HMCN2: variants seen among roughly 807,000 people sequenced by gnomAD.
HMCN2 encodes the protein hemicentin-2.
In HMCN2, 325 loss-of-function variants were observed where a neutral mutation model predicts 377.5. The observed-to-expected ratio is 0.86, with a 90% confidence interval of 0.79 to 0.94. HMCN2 has a LOEUF of 0.94. HMCN2 is among the 40% of genes least tolerant of loss of function. HMCN2 has a pLI of 0.00. For synonymous variants in HMCN2, 2,007 were observed against 2,046.8 expected, an observed-to-expected ratio of 0.98 and a Z score of 0.53; for missense variants, 4,543 against 4,725.3, an observed-to-expected ratio of 0.96 and a Z score of 1.13.
intron 54 of HMCN2, among the ~76,000 whole-genome samples, chr9:130,381,635 C>T (rs751616051): frequency 6.6e-5 from 10 of 152,202 alleles, no homozygotes; most frequent in Non-Finnish European, 1.5e-4. Flanking sequence ...TCCCAAAGTG[C>T]TGGGATTGTA....
chr9:130,432,376 C>T, intron 96 of HMCN2, 53 bp from the exon 97 acceptor site: 1 of 1,544,930 alleles, frequency 6.5e-7, no homozygotes, highest in East Asian at 2.4e-5. Context: ...CCCCCTTCTC[C>T]TTTGCTCCAT....
intron 52 of HMCN2, among the ~76,000 whole-genome samples, chr9:130,377,263 G>T (rs147436980): frequency 6.6e-6 from 1 of 151,994 alleles, no homozygotes; most frequent in African/African-American, 2.4e-5. Flanking sequence ...ATAGGCGCCC[G>T]CCACCACGCC....
intron 1 of HMCN2, among the ~76,000 whole-genome samples, chr9:130,268,880 A>G (rs1411668009): frequency 6.7e-6 from 1 of 148,638 alleles, no homozygotes; most frequent in Non-Finnish European, 1.5e-5. Flanking sequence ...GCCTTGGCGG[A>G]CTTGGATTTC....
intron 56 of HMCN2, 72 bp from the exon 57 acceptor site, chr9:130,383,432 C>A: frequency 3.0e-6 from 2 of 665,616 alleles, no homozygotes; most frequent in Non-Finnish European, 3.7e-6. Context: ...GGATTCCTCG[C>A]AGTCATTCCT....
Position 130,431,375 on chromosome 9 carries a change from G to T in HMCN2, c.14656G>T (p.Glu4886Ter). ...RQNGVCTDLD[E>*]CRVRNLCQHA... ...CCCCATGCCCGGGCCAGACCTTGACGAGTGCCGCGTGAGGAACCTGTGTCA... is the reference window on the plus strand; with the variant it reads ...CCCCATGCCCGGGCCAGACCTTGACTAGTGCCGCGTGAGGAACCTGTGTCA... The change falls in exon 96 of 98, where the codon GAG becomes TAG. Residue 4886 changes from glutamate (E) to a stop codon, truncating the protein, a stop_gained. Transcript: ENST00000683500. LOFTEE classifies it high-confidence loss of function. 1 of 1,549,676 alleles carries T rather than the reference G, an allele frequency of 6.5e-7. No individual in the cohort carries two copies. The highest frequency in any genetic ancestry group is 8.7e-7 in the Non-Finnish European group (1 of 1,146,682).
chr9:130,362,271 G>A (rs1243127915), intron 39 of HMCN2, 106 bp downstream of exon 39: 9 of 771,880 alleles, frequency 1.2e-5, no homozygotes, highest in African/African-American at 1.9e-5. Context: ...AGCAGCGATA[G>A]CCCAGGGCCG....
intron 90 of HMCN2, among the ~76,000 whole-genome samples, chr9:130,426,672 C>T (rs1466224031): frequency 6.6e-6 from 1 of 152,202 alleles, no homozygotes; most frequent in Non-Finnish European, 1.5e-5. Context: ...AACCCATGGC[C>T]CACAGGCCGC....
At chr9:130,275,296 C>T (rs1248764935) in intron 1 of HMCN2, among the ~76,000 whole-genome samples, 14 of 152,186 alleles carry the variant, frequency 9.2e-5, no homozygotes, top group South Asian at 2.1e-4. Context: ...TGGCTTTCGC[C>T]GGTCAGAGGT....
chr9:130,295,555 C>T (rs782412285), intron 5 of HMCN2, 111 bp from the exon 6 acceptor site: 9 of 350,308 alleles, frequency 2.6e-5, no homozygotes, highest in African/African-American at 4.3e-5. Flanking sequence ...TTGTCACTTC[C>T]GGGAAGACTG....
intron 36 of HMCN2, 110 bp downstream of exon 36, chr9:130,358,596 T>C (rs977630590): frequency 1.0e-6 from 1 of 993,716 alleles, no homozygotes; most frequent in South Asian, 1.4e-5. Context: ...TTTTCAGTCA[T>C]AGTTGTGCAC....
chr9:130,317,140 AG>A (rs1300303781), intron 15 of HMCN2, among the ~76,000 whole-genome samples: 178 of 151,380 alleles, frequency 1.2e-3, no homozygotes, highest in African/African-American at 4.2e-3. Flanking sequence ...AGGGGGAAGC[AG>A]GGGTGGGGTG....
chr9:130,431,544 G>A (rs1325942067), intron 96 of HMCN2, 58 bp downstream of exon 96: 1 of 1,527,852 alleles, frequency 6.5e-7, no homozygotes, highest in Non-Finnish European at 8.8e-7. Flanking sequence ...GGCAGCGTGG[G>A]ATGGGACATG....
intron 1 of HMCN2, among the ~76,000 whole-genome samples, chr9:130,276,028 G>A (rs1484214150): frequency 1.4e-5 from 2 of 146,940 alleles, no homozygotes; most frequent in African/African-American, 5.0e-5. Context: ...AGGGGTGCTA[G>A]AAAGAGATGG....
chr9:130,338,633 G>C (rs1472751383), intron 23 of HMCN2: 2 of 152,438 alleles, frequency 1.3e-5, no homozygotes, highest in African/African-American at 4.8e-5. Context: ...GGGGTCCCAG[G>C]AGTGGGTGTT....
intron 66 of HMCN2, among the ~76,000 whole-genome samples, chr9:130,392,613 G>A (rs1250524242): frequency 6.6e-6 from 1 of 152,146 alleles, no homozygotes; most frequent in African/African-American, 2.4e-5. Flanking sequence ...GGAGGCAGGA[G>A]GTCTGGCTTC....
At chr9:130,383,770 T>C (rs1196708003) in intron 57 of HMCN2, among the ~76,000 whole-genome samples, 170 bp downstream of exon 57, 3 of 152,200 alleles carry the variant, frequency 2.0e-5, no homozygotes, top group Non-Finnish European at 4.4e-5. Flanking sequence ...CCCTGATCAC[T>C]ACTGGGCCAA....
chr9:130,418,223 T>C (rs1843794887), intron 85 of HMCN2, among the ~76,000 whole-genome samples: 2 of 152,126 alleles, frequency 1.3e-5, no homozygotes, highest in South Asian at 4.1e-4. Flanking sequence ...ACAACAGATA[T>C]GTAACTGCAT....
At chr9:130,349,726 G>A (rs1839598558) in intron 29 of HMCN2, 63 bp downstream of exon 29, 1 of 1,270,972 alleles carries the variant, frequency 7.9e-7, no homozygotes, top group South Asian at 1.3e-5. Flanking sequence ...GCTGGATGTG[G>A]GGGTTGGGGA....
chr9:130,407,639 A>G lies in HMCN2; in HGVS notation c.12622A>G (p.Thr4208Ala). ...CGCTGTCTCCAGAGAAGACAGCGGG[A>G]CCTATGTCTGCTGGGCGGAGAACAG... ...RAAVSREDSG[T>A]YVCWAENRVG... The change falls in exon 83 of 98, where the codon ACC (threonine) becomes GCC (alanine). Residue 4208 changes from threonine to alanine, a missense_variant. Thr to Ala is a moderately conservative substitution (Grantham distance 58). Around this residue, in one of 5 missense-constraint regions of HMCN2, gnomAD observed 1,073 missense variants for 1,319.5 expected, o/e 0.81. Transcript: ENST00000683500. 1 of 1,285,690 alleles carries G rather than the reference A, an allele frequency of 7.8e-7. No individual in the cohort carries two copies. Among genetic ancestry groups the G allele is most frequent in the Non-Finnish European group, 1.0e-6 (1 of 986,152 alleles). The allele number at this position is 1,285,690 out of a possible 1,614,324, so 79.6% of individuals were successfully genotyped here. A position where few individuals can be genotyped will look rare whatever the true frequency, so the allele number is the denominator to read the frequency against.
Sources: gnomAD v4.1 joint callset for allele counts (sites outside exome capture counted in the v4.1 genomes callset) on GRCh38, gnomAD v4.1.1 for gene constraint, gnomAD v4.1.1 regional missense constraint, MANE v1.5 for transcripts, NCBI Gene and HGNC (gene_info 2026-07-23, HGNC 2026-07-21) for gene names.